The following ARMH4 variants were observed in gnomAD, a reference collection of about 807,000 sequenced individuals.
ARMH4 encodes armadillo like helical domain containing 4, also known as armadillo-like helical domain-containing protein 4.
A neutral mutation model predicts 61.9 loss-of-function variants in ARMH4; 49 were observed. That is an observed-to-expected ratio of 0.79 (90% CI 0.63 to 1.00). ARMH4 has a LOEUF of 1.00. Ranked by LOEUF, ARMH4 falls within the 50% of genes least tolerant of loss-of-function variation. The probability of loss-of-function intolerance (pLI) is 0.00; values close to 1 mark genes in which losing one functional copy is unlikely to be tolerated. For synonymous variants in ARMH4, 368 were observed against 341.5 expected, an observed-to-expected ratio of 1.08 and a Z score of -0.85; for missense variants, 934 against 930.0, an observed-to-expected ratio of 1.00 and a Z score of -0.06.
At position 58,127,590 on chromosome 14, in the gene ARMH4, T is replaced by C. The variant is rs141638329; in HGVS notation, c.1831+3922A>G. Among the ~76,000 whole-genome samples, 1,214 of 152,296 alleles carry C rather than the reference T, an allele frequency of 8.0e-3. 14 individuals are homozygous for C. The highest frequency in any genetic ancestry group is 0.028 in the African/African-American group (1,155 of 41,546). ...CAGGGTTGAGACAATATCATGGGAT[T>C]ATACGCAACACTCAACATGCATGCC... On this transcript the variant is annotated intron_variant, in intron 4 of 7. Transcript: ENST00000267485.
chr14:58,080,098 C>G (rs2141240855), intron 5 of ARMH4, among the ~76,000 whole-genome samples: 1 of 148,990 alleles, frequency 6.7e-6, no homozygotes, highest in East Asian at 1.9e-4. Flanking sequence ...TTGTCACTAT[C>G]ATTAAGATTT....
chr14:58,124,349 T>G (rs1359652230), intron 4 of ARMH4, among the ~76,000 whole-genome samples: 1 of 152,190 alleles, frequency 6.6e-6, no homozygotes, highest in Non-Finnish European at 1.5e-5. Context: ...AGGGACAAGC[T>G]TGCAACCCAT....
At chr14:58,058,334 T>A (rs1884416441) in intron 5 of ARMH4, among the ~76,000 whole-genome samples, 1 of 151,270 alleles carries the variant, frequency 6.6e-6, no homozygotes, top group Non-Finnish European at 1.5e-5. Context: ...TAGAGATACC[T>A]TTTTTTTTAA....
At chr14:58,074,622 G>A (rs1202000959) in intron 5 of ARMH4, among the ~76,000 whole-genome samples, 1 of 151,992 alleles carries the variant, frequency 6.6e-6, no homozygotes, top group African/African-American at 2.4e-5. Flanking sequence ...TGACATCACA[G>A]AATGCAGAGT....
chr14:58,134,088 G>C (rs1295857552), intron 2 of ARMH4, among the ~76,000 whole-genome samples: 2 of 152,178 alleles, frequency 1.3e-5, no homozygotes, highest in Non-Finnish European at 2.9e-5. Context: ...ACAAAGATTA[G>C]ATAACACAAG....
chr14:58,114,688 A>G (rs1886462967), intron 4 of ARMH4, among the ~76,000 whole-genome samples: 1 of 152,176 alleles, frequency 6.6e-6, no homozygotes, highest in African/African-American at 2.4e-5. Context: ...TCAAATACTC[A>G]TAAGAGAATC....
intron 5 of ARMH4, among the ~76,000 whole-genome samples, chr14:58,084,736 C>T (rs1302576709): frequency 3.3e-5 from 5 of 152,152 alleles, no homozygotes; most frequent in Non-Finnish European, 5.9e-5. Flanking sequence ...TTTTAAATTC[C>T]TTCCCTGGGT....
chr14:58,004,808 G>A lies in ARMH4; in HGVS notation c.2257-4C>T. On this transcript the variant is annotated splice_region_variant and splice_polypyrimidine_tract_variant and intron_variant, in intron 7 of 7. Coordinates refer to ENST00000267485, the MANE Select transcript of ARMH4 (RefSeq NM_001001872.4). ...GCATGCTGTTGAATTCTCTCTGCTA[G>A]AGAAAGAAAACAGAAAAGCATTAAA... 6.2e-7 allele frequency: 1 copy of A among 1,608,076 alleles called. No individual in the cohort carries two copies. Among genetic ancestry groups the A allele is most frequent in the Non-Finnish European group, 8.5e-7 (1 of 1,174,958 alleles).
chr14:58,011,486 T>C (rs1356893318), intron 6 of ARMH4, among the ~76,000 whole-genome samples: 1 of 152,116 alleles, frequency 6.6e-6, no homozygotes, highest in African/African-American at 2.4e-5. Context: ...TGACACTGGC[T>C]ACAACAAGGA....
At chr14:58,054,477 T>C (rs1884253761) in intron 5 of ARMH4, among the ~76,000 whole-genome samples, 1 of 152,208 alleles carries the variant, frequency 6.6e-6, no homozygotes, top group Non-Finnish European at 1.5e-5. Context: ...CGTTTCTTCT[T>C]CCAAAAGCAA....
chr14:58,139,348 G>C lies in ARMH4; in HGVS notation c.11C>G (p.Pro4Arg), dbSNP rs572339718. The stretch of plus-strand genomic sequence containing the variant: ...AGCCAGACAAATGTGCAATACAATC[G>C]GTCCTCTCATAGTGGAAGAGAAATG... MRGPIVLHICLAFC... is the reference protein window; with the variant it reads MRGRIVLHICLAFC... The change falls in exon 2 of 8, where the codon CCG becomes CGG. Residue 4 changes from proline to arginine, a missense_variant. By Grantham distance (103) the Pro-to-Arg change is moderately radical (BLOSUM62 -2). Coordinates refer to ENST00000267485, the MANE Select transcript of ARMH4 (RefSeq NM_001001872.4). 1 of 1,613,844 alleles carries C rather than the reference G, an allele frequency of 6.2e-7. No homozygotes were observed. Among genetic ancestry groups the C allele is most frequent in the South Asian group, 1.1e-5 (1 of 91,078 alleles).
At chr14:58,055,369 A>G (rs982198223) in intron 5 of ARMH4, among the ~76,000 whole-genome samples, 2 of 152,218 alleles carry the variant, frequency 1.3e-5, no homozygotes, top group Admixed American at 6.5e-5. Context: ...TTTAACAATT[A>G]GTTTCAAAGG....
intron 4 of ARMH4, among the ~76,000 whole-genome samples, chr14:58,115,023 T>C (rs1197551646): frequency 6.6e-6 from 1 of 152,204 alleles, no homozygotes; most frequent in African/African-American, 2.4e-5. Flanking sequence ...ATTCTGGACA[T>C]TGGCCTTGGC....
At chr14:58,030,530 T>C (rs1277382861) in intron 5 of ARMH4, among the ~76,000 whole-genome samples, 2 of 152,204 alleles carry the variant, frequency 1.3e-5, no homozygotes, top group Non-Finnish European at 2.9e-5. Context: ...TGGAATTAAC[T>C]ACCGTATATT....
chr14:58,053,028 C>T (rs941221441), intron 5 of ARMH4, among the ~76,000 whole-genome samples: 3 of 152,152 alleles, frequency 2.0e-5, no homozygotes, highest in Non-Finnish European at 2.9e-5. Flanking sequence ...AGTTGGCCAC[C>T]AAGATCTTTT....
At chr14:58,089,918 C>G (rs958171017) in intron 5 of ARMH4, among the ~76,000 whole-genome samples, 13 of 152,206 alleles carry the variant, frequency 8.5e-5, no homozygotes, top group Non-Finnish European at 1.2e-4. Flanking sequence ...GACTATGTAT[C>G]TCTTTATCTG....
At chr14:58,133,042 A>G in intron 3 of ARMH4, 48 bp downstream of exon 3, 1 of 1,603,462 alleles carries the variant, frequency 6.2e-7, no homozygotes, top group Non-Finnish European at 8.5e-7. Context: ...TCCACTTAAC[A>G]GAAGAGATCC....
At chr14:58,104,317 T>TAGA (rs1171174126) in intron 4 of ARMH4, among the ~76,000 whole-genome samples, 3 of 152,350 alleles carry the variant, frequency 2.0e-5, no homozygotes, top group Non-Finnish European at 4.4e-5. Context: ...AGAGGAAAGC[T>TAGA]TTCTCCTTGT....
intron 6 of ARMH4, 40 bp downstream of exon 6, chr14:58,012,079 C>A (rs1214032362): frequency 1.4e-6 from 2 of 1,384,428 alleles, no homozygotes; most frequent in African/African-American, 1.5e-5. Context: ...AAGCTATATG[C>A]CCCTAAAAAT....
Sources: allele counts gnomAD v4.1 joint callset (sites outside exome capture counted in the v4.1 genomes callset), GRCh38; gene constraint gnomAD v4.1.1; transcripts MANE v1.5; gene names NCBI Gene and HGNC (gene_info 2026-07-23, HGNC 2026-07-21).